OR51B5: variants seen among roughly 807,000 people sequenced by gnomAD.
OR51B5 encodes the protein olfactory receptor 51B5.
For missense variants in OR51B5, 456 were observed against 374.6 expected (o/e 1.22, Z -1.79); for synonymous variants, 186 against 144.8 (o/e 1.28, Z -2.04).
intron 1 of OR51B5, chr11:5,440,815 C>T (rs1850671467): frequency 1.2e-6 from 2 of 1,613,834 alleles, no homozygotes; most frequent in Non-Finnish European, 1.7e-6. Flanking sequence ...AGCCGCTGTT[C>T]CTGGGATATG....
At chr11:5,374,995 A>G (rs1849501469) in intron 1 of OR51B5, among the ~76,000 whole-genome samples, 1 of 151,458 alleles carries the variant, frequency 6.6e-6, no homozygotes, top group Non-Finnish European at 1.5e-5. Flanking sequence ...CCACAAACAT[A>G]CTCCTCGAGA....
At chr11:5,450,297 A>G (rs2002785) in intron 1 of OR51B5, among the ~76,000 whole-genome samples, 76,433 of 151,484 alleles carry the variant, frequency 0.5, 20,084 homozygotes, top group Non-Finnish European at 0.56. Context: ...GCTGGGGCAC[A>G]AGAATCACCT....
chr11:5,395,375 G>A (rs1044763069), intron 1 of OR51B5, among the ~76,000 whole-genome samples: 1 of 152,158 alleles, frequency 6.6e-6, no homozygotes, highest in Non-Finnish European at 1.5e-5. Flanking sequence ...TGTGGATAAA[G>A]GAAGTCATTG....
intron 1 of OR51B5, among the ~76,000 whole-genome samples, chr11:5,459,305 G>A (rs748671663): frequency 2.0e-4 from 30 of 152,122 alleles, no homozygotes; most frequent in Non-Finnish European, 3.1e-4. Flanking sequence ...AACATAAAGC[G>A]AACTTGCTTA....
intron 1 of OR51B5, chr11:5,441,231 G>T (rs115148889): frequency 6.2e-7 from 1 of 1,613,952 alleles, no homozygotes; most frequent in East Asian, 2.2e-5. Context: ...AGCATTAAAC[G>T]CAACATGGTT....
chr11:5,407,684 T>C (rs887944325), intron 1 of OR51B5, among the ~76,000 whole-genome samples: 4 of 152,206 alleles, frequency 2.6e-5, no homozygotes, highest in Admixed American at 6.5e-5. Flanking sequence ...CAGTTTTTTT[T>C]TTTTTATTAT....
intron 1 of OR51B5, among the ~76,000 whole-genome samples, chr11:5,479,235 C>A (rs767637620): frequency 6.7e-6 from 1 of 148,734 alleles, no homozygotes; most frequent in South Asian, 2.2e-4. Context: ...GAATTTTCAA[C>A]CCAGAATTTC....
chr11:5,395,667 T>A (rs150162127), intron 1 of OR51B5, among the ~76,000 whole-genome samples: 1 of 152,278 alleles, frequency 6.6e-6, no homozygotes, highest in Non-Finnish European at 1.5e-5. Flanking sequence ...CCATTAAACC[T>A]AATCATTTCT....
intron 1 of OR51B5, among the ~76,000 whole-genome samples, chr11:5,442,412 A>C (rs1850703549): frequency 6.6e-6 from 1 of 152,210 alleles, no homozygotes; most frequent in Non-Finnish European, 1.5e-5. Context: ...CTCCACCTTC[A>C]GGATTTCATT....
At chr11:5,411,787 G>A (rs10768936) in intron 1 of OR51B5, among the ~76,000 whole-genome samples, 123,693 of 152,176 alleles carry the variant, frequency 0.81, 51,323 homozygotes, top group Non-Finnish European at 0.89. Flanking sequence ...CTAAGAGGCA[G>A]AAGTGTACCA....
chr11:5,375,592 C>G (rs1280624465), intron 1 of OR51B5, among the ~76,000 whole-genome samples: 1 of 151,950 alleles, frequency 6.6e-6, no homozygotes, highest in African/African-American at 2.4e-5. Context: ...CACACATAGG[C>G]TCAAAATAAA....
chr11:5,489,472 A>C lies in OR51B5; in HGVS notation n.84+16097T>G, dbSNP rs200524642. On this transcript the variant is annotated intron_variant and non_coding_transcript_variant, in intron 1 of 4. Coordinates refer to the OR51B5 transcript ENST00000415970. ...CATTGGCATCATCCTGGTTTTCTAC[A>C]TCCCTGCCTTCTTCTCCTTCCTCAC... The C allele has an allele frequency of 1.9e-6, 3 of 1,613,848 alleles. No individual in the cohort carries two copies. In the Admixed American group the frequency reaches 5.0e-5, roughly 27 times the overall value.
exon 1 of OR51B5, chr11:5,343,113 G>T: frequency 6.2e-7 from 1 of 1,612,900 alleles, no homozygotes; most frequent in Non-Finnish European, 8.5e-7. Context: ...TTCACTACTC[G>T]AGTATTAGTA....
At chr11:5,484,838 G>T (rs985359229) in intron 1 of OR51B5, among the ~76,000 whole-genome samples, 5 of 152,140 alleles carry the variant, frequency 3.3e-5, no homozygotes, top group African/African-American at 1.2e-4. Context: ...CATTACATAT[G>T]TATTATTTCA....
intron 1 of OR51B5, among the ~76,000 whole-genome samples, chr11:5,504,292 T>C (rs764180513): frequency 3.9e-5 from 6 of 152,232 alleles, no homozygotes; most frequent in African/African-American, 7.2e-5. Context: ...AGCTAATTGT[T>C]ATCCACATCA....
chr11:5,421,103 G>T (rs1046582943), intron 1 of OR51B5, among the ~76,000 whole-genome samples: 15 of 152,202 alleles, frequency 9.9e-5, no homozygotes, highest in African/African-American at 3.6e-4. Flanking sequence ...ATTCAATATG[G>T]CTTTCTAACT....
intron 1 of OR51B5, among the ~76,000 whole-genome samples, chr11:5,367,863 C>G (rs1589957130): frequency 6.6e-6 from 1 of 152,078 alleles, no homozygotes; most frequent in Non-Finnish European, 1.5e-5. Context: ...TTTTTTTTCA[C>G]TTGTGCTTTC....
chr11:5,361,953 T>C (rs1849292036), intron 1 of OR51B5, among the ~76,000 whole-genome samples: 1 of 152,180 alleles, frequency 6.6e-6, no homozygotes, highest in Non-Finnish European at 1.5e-5. Flanking sequence ...TAGGGGACAC[T>C]GTAATGACAA....
At chr11:5,347,128 G>T (rs1164426165), upstream of OR51B5, among the ~76,000 whole-genome samples, 1 of 152,128 alleles carries the variant, frequency 6.6e-6, no homozygotes, top group Admixed American at 6.5e-5. Context: ...GGACCTTTAT[G>T]TGTGGGGAAT....
Sources: allele counts gnomAD v4.1 joint callset (sites outside exome capture counted in the v4.1 genomes callset), GRCh38; gene constraint gnomAD v4.1.1; transcripts MANE v1.5; gene names NCBI Gene and HGNC (gene_info 2026-07-23, HGNC 2026-07-21).